Variants in FSIP1 observed in about 807,000 individuals in gnomAD.
FSIP1 encodes fibrous sheath interacting protein 1.
FSIP1 carries 65 observed loss-of-function variants against 60.9 expected under a neutral mutation model. The observed-to-expected ratio is 1.07, with a 90% CI of 0.87 to 1.31. The LOEUF is 1.31. Among genes scored for constraint, FSIP1 ranks in the 40% most tolerant of loss-of-function variants. The pLI, the probability that FSIP1 is intolerant of heterozygous loss-of-function variation, is 0.00. For missense variants in FSIP1, 675 were observed against 665.5 expected (o/e 1.01, Z -0.16); for synonymous variants, 209 against 221.2 (o/e 0.94, Z 0.49).
chr15:39,668,390 A>G (rs1325831841), intron 10 of FSIP1, among the ~76,000 whole-genome samples: 1 of 152,140 alleles, frequency 6.6e-6, no homozygotes, highest in East Asian at 1.9e-4. Flanking sequence ...GTCAACTCAT[A>G]TCTTAATATG....
chr15:39,709,238 G>GTGGCCACAGATTACCTC (rs1450211739), intron 10 of FSIP1, among the ~76,000 whole-genome samples: 1 of 152,164 alleles, frequency 6.6e-6, no homozygotes, highest in Non-Finnish European at 1.5e-5. Flanking sequence ...CACCAATTCA[G>GTGGCCACAGATTACCTC]TGGCCACAGA....
At chr15:39,765,817 AT>A in intron 3 of FSIP1, 71 bp from the exon 4 acceptor site, 1 of 844,206 alleles carries the variant, frequency 1.2e-6, no homozygotes, top group Middle Eastern at 3.7e-4. Context: ...TGTTCTTACA[AT>A]TTGTTCTTTC....
chr15:39,626,955 T>C (rs1297391609), intron 10 of FSIP1, among the ~76,000 whole-genome samples: 1 of 150,714 alleles, frequency 6.6e-6, no homozygotes, highest in Non-Finnish European at 1.5e-5. Flanking sequence ...ATCTCACTAG[T>C]GTAGCACTAT....
intron 10 of FSIP1, among the ~76,000 whole-genome samples, chr15:39,680,372 C>A (rs546392310): frequency 7.2e-5 from 11 of 152,300 alleles, no homozygotes; most frequent in Non-Finnish European, 1.6e-4. Context: ...AGTTGCCTCC[C>A]AATGTCTGTT....
At chr15:39,656,055 T>A (rs1893057744) in intron 10 of FSIP1, among the ~76,000 whole-genome samples, 1 of 152,142 alleles carries the variant, frequency 6.6e-6, no homozygotes, top group Non-Finnish European at 1.5e-5. Flanking sequence ...GAATGCCAGA[T>A]GAAAACATCT....
At chr15:39,717,214 G>A (rs72727060) in intron 9 of FSIP1, among the ~76,000 whole-genome samples, 18,910 of 152,004 alleles carry the variant, frequency 0.12, 1,405 homozygotes, top group African/African-American at 0.2. Flanking sequence ...CTAAAGCCTT[G>A]TACACAAATG....
intron 10 of FSIP1, among the ~76,000 whole-genome samples, chr15:39,640,114 T>C (rs1384674357): frequency 1.3e-5 from 2 of 152,136 alleles, no homozygotes; most frequent in African/African-American, 4.8e-5. Flanking sequence ...GTACATAACA[T>C]ACACTAAAAC....
chr15:39,602,803 T>C (rs1174135547), intron 11 of FSIP1, among the ~76,000 whole-genome samples: 1 of 152,180 alleles, frequency 6.6e-6, no homozygotes, highest in African/African-American at 2.4e-5. Flanking sequence ...CTCTATAGTG[T>C]TGTCTATGTA....
chr15:39,723,928 T>C (rs1896085289), intron 9 of FSIP1, among the ~76,000 whole-genome samples: 1 of 152,226 alleles, frequency 6.6e-6, no homozygotes, highest in Non-Finnish European at 1.5e-5. Flanking sequence ...CTGGTTTTAG[T>C]TAGAAATGAA....
chr15:39,633,148 T>A (rs1891978750), intron 10 of FSIP1, among the ~76,000 whole-genome samples: 1 of 142,288 alleles, frequency 7.0e-6, no homozygotes, highest in Non-Finnish European at 1.5e-5. Flanking sequence ...TGGAGTGCAG[T>A]GGTGCGATCT....
intron 10 of FSIP1, among the ~76,000 whole-genome samples, chr15:39,668,334 G>C (rs765878442): frequency 1.3e-5 from 2 of 151,974 alleles, no homozygotes; most frequent in Non-Finnish European, 2.9e-5. Flanking sequence ...AGGTCTGTCT[G>C]GAGTGGACCC....
chr15:39,657,391 G>T (rs970323603), intron 10 of FSIP1, among the ~76,000 whole-genome samples: 1 of 152,010 alleles, frequency 6.6e-6, no homozygotes, highest in African/African-American at 2.4e-5. Flanking sequence ...TGATCCACAT[G>T]GTCACCATGC....
intron 5 of FSIP1, among the ~76,000 whole-genome samples, chr15:39,762,634 T>C (rs185217192): frequency 7.2e-5 from 11 of 152,320 alleles, no homozygotes; most frequent in Admixed American, 2.6e-4. Flanking sequence ...CAGCCTTGGG[T>C]AACCTGACCT....
At chr15:39,764,296 C>T (rs532728437) in intron 4 of FSIP1, among the ~76,000 whole-genome samples, 54 of 152,236 alleles carry the variant, frequency 3.5e-4, no homozygotes, top group African/African-American at 1.3e-3. Flanking sequence ...GAAATAAAAA[C>T]TTGCTTGAGA....
intron 10 of FSIP1, among the ~76,000 whole-genome samples, chr15:39,637,361 G>C (rs1271343150): frequency 6.6e-6 from 1 of 152,166 alleles, no homozygotes; most frequent in East Asian, 1.9e-4. Context: ...GAAGGCTATG[G>C]AAGGTACTGG....
At chr15:39,615,071 GAAT>G (rs1475987092) in intron 11 of FSIP1, among the ~76,000 whole-genome samples, 1 of 152,110 alleles carries the variant, frequency 6.6e-6, no homozygotes, top group African/African-American at 2.4e-5. Context: ...TCCATATGCA[GAAT>G]AATAAAATTT....
At chr15:39,770,644 A>T in intron 2 of FSIP1, 34 bp from the exon 3 acceptor site, 1 of 1,337,922 alleles carries the variant, frequency 7.5e-7, no homozygotes, top group Non-Finnish European at 9.9e-7. Flanking sequence ...ACAGTTTCCG[A>T]AAATACTGTC....
At chr15:39,602,100 T>C (rs1390683631) in intron 11 of FSIP1, among the ~76,000 whole-genome samples, 1 of 151,960 alleles carries the variant, frequency 6.6e-6, no homozygotes, top group Non-Finnish European at 1.5e-5. Flanking sequence ...GTGAAAGGGG[T>C]CTTTCTAGAT....
rs186124121 is a variant in FSIP1, at chr15:39,757,671, A to G, written c.559+6150T>C. Reference sequence around the variant, plus strand: ...AAGTAAACAGCAAGCAGGAAATTTCATTAAGGAATTTGGCTTTTCTGTAAA... The same window carrying G: ...AAGTAAACAGCAAGCAGGAAATTTCGTTAAGGAATTTGGCTTTTCTGTAAA... On this transcript the variant is annotated intron_variant, in intron 5 of 11. Coordinates refer to ENST00000350221, the MANE Select transcript of FSIP1 (RefSeq NM_152597.5). Among the ~76,000 whole-genome samples, 75 of 152,294 alleles carry G rather than the reference A, an allele frequency of 4.9e-4. 1 individual carries two copies. The highest frequency in any genetic ancestry group is 1.8e-3 in the African/African-American group (73 of 41,572).
Sources: gnomAD v4.1 joint callset for allele counts (sites outside exome capture counted in the v4.1 genomes callset) on GRCh38, gnomAD v4.1.1 for gene constraint, MANE v1.5 for transcripts, NCBI Gene and HGNC (gene_info 2026-07-23, HGNC 2026-07-21) for gene names.